Variants in CNTN5 observed in about 807,000 individuals in gnomAD.
CNTN5 encodes the protein contactin-5.
A neutral mutation model predicts 129.1 loss-of-function variants in CNTN5; 77 were observed. The observed-to-expected ratio is 0.60, with a 90% confidence interval of 0.50 to 0.72. CNTN5 has a LOEUF of 0.72. CNTN5 is among the 30% of genes least tolerant of loss of function. The pLI is 0.00. For synonymous variants in CNTN5, 509 were observed against 465.6 expected, an observed-to-expected ratio of 1.09 and a Z score of -1.20; for missense variants, 1,478 against 1,328.8, an observed-to-expected ratio of 1.11 and a Z score of -1.75.
intron 2 of CNTN5, among the ~76,000 whole-genome samples, chr11:99,357,912 G>A (rs1337608273): frequency 1.3e-5 from 2 of 151,000 alleles, no homozygotes; most frequent in Admixed American, 6.6e-5. Context: ...GCCGAGGCAG[G>A]AGAACTGCAT....
intron 7 of CNTN5, among the ~76,000 whole-genome samples, chr11:99,955,847 AG>A (rs1266042569): frequency 2.8e-4 from 42 of 152,148 alleles, no homozygotes; most frequent in Admixed American, 2.8e-3. Flanking sequence ...TACGGGCGTT[AG>A]CCCCCGTGTG....
intron 3 of CNTN5, among the ~76,000 whole-genome samples, chr11:99,577,890 C>A (rs1820705698): frequency 6.6e-6 from 1 of 151,460 alleles, no homozygotes; most frequent in African/African-American, 2.4e-5. Context: ...AGGTTTGTTA[C>A]ATATGTATAC....
In CNTN5 at chr11:99,117,394, A is replaced by C. The variant is rs190547619; in HGVS notation, c.-210+96124A>C. 1.6e-3 allele frequency among the ~76,000 whole-genome samples: 246 copies of C among 152,194 alleles called. 2 individuals carry two copies. The highest frequency in any genetic ancestry group is 5.7e-3 in the African/African-American group (235 of 41,536). On this transcript the variant is annotated intron_variant, in intron 1 of 24. Coordinates refer to ENST00000524871, the MANE Select transcript of CNTN5 (RefSeq NM_014361.4). ...ACTGTCCTACCCAAGGATGACCACA[A>C]TCCTGATTCTAACACGACCAGTTTG...
Position 99,707,318 on chromosome 11 carries a change from T to C in CNTN5, c.56-112226T>C, listed in dbSNP as rs536203085. 7.3e-5 allele frequency among the ~76,000 whole-genome samples: 11 copies of C among 151,704 alleles called. No individual in the cohort carries two copies. The South Asian group carries it at 1.2e-3, about 17-fold the overall frequency. On this transcript the variant is annotated intron_variant, in intron 3 of 24. Transcript: ENST00000524871. ...AAGTTTCATTACAAATCTTAGTAAG[T>C]CTTTTCATTTTAACATATTGTCCTA...
chr11:99,050,605 A>T (rs562941181), intron 1 of CNTN5, among the ~76,000 whole-genome samples: 1 of 151,880 alleles, frequency 6.6e-6, no homozygotes, highest in South Asian at 2.1e-4. Flanking sequence ...AGGTTAAGGT[A>T]TTTACCATGT....
rs78047867 is a variant in CNTN5 at position 99,936,305 on chromosome 11, G to A, written c.673+20156G>A. On this transcript the variant is annotated intron_variant, in intron 7 of 24. Transcript: ENST00000524871. ...AGCATGTTGCCTAAGCAAATGTCCA[G>A]TAAGTTTTCTTTCTGTTGTTTGCGT... Among the ~76,000 whole-genome samples, 35 of 152,294 alleles carry A rather than the reference G, an allele frequency of 2.3e-4. No homozygotes were observed. The East Asian group carries it at 6.8e-3, about 29-fold the overall frequency.
At chr11:99,430,586 T>C (rs1335494703) in intron 2 of CNTN5, among the ~76,000 whole-genome samples, 8 of 151,706 alleles carry the variant, frequency 5.3e-5, no homozygotes, top group Admixed American at 5.3e-4. Context: ...TAATGTATAC[T>C]ATATATGTAT....
At chr11:100,291,143 CT>C (rs1202844278) in intron 18 of CNTN5, among the ~76,000 whole-genome samples, 9 of 149,772 alleles carry the variant, frequency 6.0e-5, no homozygotes, top group African/African-American at 1.7e-4. Flanking sequence ...AATAGGAACA[CT>C]TTTACACTGT....
intron 6 of CNTN5, among the ~76,000 whole-genome samples, chr11:99,910,962 C>A (rs1949643334): frequency 6.6e-6 from 1 of 152,010 alleles, no homozygotes; most frequent in Admixed American, 6.6e-5. Flanking sequence ...AGTGAGGCAG[C>A]AAATACCAAG....
At chr11:99,180,923 A>G (rs1858023854) in intron 1 of CNTN5, among the ~76,000 whole-genome samples, 3 of 152,242 alleles carry the variant, frequency 2.0e-5, no homozygotes, top group African/African-American at 2.4e-5. Context: ...TGCGGTACGC[A>G]TATCTAATGC....
chr11:99,492,632 A>G (rs1012514595), intron 2 of CNTN5, among the ~76,000 whole-genome samples: 2 of 152,144 alleles, frequency 1.3e-5, no homozygotes, highest in South Asian at 4.1e-4. Flanking sequence ...TTCCTTACCC[A>G]TTGCAAGGGT....
At chr11:99,462,949 A>G (rs948663508) in intron 2 of CNTN5, among the ~76,000 whole-genome samples, 1 of 151,450 alleles carries the variant, frequency 6.6e-6, no homozygotes, top group African/African-American at 2.4e-5. Flanking sequence ...AACAAAACAA[A>G]CAAAAAAAAT....
At chr11:99,759,717 G>C (rs1418639442) in intron 3 of CNTN5, among the ~76,000 whole-genome samples, 1 of 151,316 alleles carries the variant, frequency 6.6e-6, no homozygotes, top group Admixed American at 6.6e-5. Flanking sequence ...GGGAAAGAGA[G>C]AAGGAGAGGG....
intron 3 of CNTN5, among the ~76,000 whole-genome samples, chr11:99,567,806 C>T (rs72995261): frequency 7.0e-4 from 107 of 152,128 alleles, no homozygotes; most frequent in Middle Eastern, 3.4e-3. Context: ...TGTGCCCTGG[C>T]GGTATTAGAC....
chr11:99,375,292 G>A (rs912602264), intron 2 of CNTN5, among the ~76,000 whole-genome samples: 1 of 117,800 alleles, frequency 8.5e-6, no homozygotes, highest in Non-Finnish European at 1.7e-5. Flanking sequence ...GACAGAGTGG[G>A]AGTCTGTCTC....
intron 21 of CNTN5, among the ~76,000 whole-genome samples, chr11:100,320,080 G>A (rs1367504276): frequency 6.6e-6 from 1 of 152,176 alleles, no homozygotes; most frequent in Non-Finnish European, 1.5e-5. Context: ...ACCAAGTAGT[G>A]AGATTGCCAG....
At chr11:99,761,701 T>C (rs995201064) in intron 3 of CNTN5, among the ~76,000 whole-genome samples, 1 of 151,688 alleles carries the variant, frequency 6.6e-6, no homozygotes, top group Non-Finnish European at 1.5e-5. Context: ...TCTTTGCTAT[T>C]GTGAATAATG....
At chr11:99,520,209 T>C (rs1180549972) in intron 2 of CNTN5, among the ~76,000 whole-genome samples, 2 of 152,124 alleles carry the variant, frequency 1.3e-5, no homozygotes, top group Non-Finnish European at 2.9e-5. Context: ...ATTGAAATAC[T>C]CTAAATATAA....
intron 2 of CNTN5, among the ~76,000 whole-genome samples, chr11:99,547,950 C>T (rs1267641771): frequency 2.0e-5 from 3 of 152,026 alleles, no homozygotes; most frequent in South Asian, 4.1e-4. Context: ...GCCCCAGCTT[C>T]GTTATCTGTA....
Sources: gnomAD v4.1 joint callset for allele counts (sites outside exome capture counted in the v4.1 genomes callset) on GRCh38, gnomAD v4.1.1 for gene constraint, MANE v1.5 for transcripts, NCBI Gene and HGNC (gene_info 2026-07-23, HGNC 2026-07-21) for gene names.